SUPT3H: variants seen among roughly 807,000 people sequenced by gnomAD.
SUPT3H encodes transcription initiation protein SPT3 homolog.
SUPT3H carries 44 observed loss-of-function variants against 44.3 expected under a neutral mutation model. That is an observed-to-expected ratio of 0.99 (90% CI 0.78 to 1.28). The LOEUF (loss-of-function observed/expected upper bound fraction) is 1.28, where lower values mean the gene tolerates loss of function less well. Ranked by LOEUF, SUPT3H falls within the 50% of genes most tolerant of loss-of-function variation. SUPT3H has a pLI of 0.00. For missense variants in SUPT3H, 380 were observed against 387.1 expected, an observed-to-expected ratio of 0.98 and a Z score of 0.15; for synonymous variants, 124 against 125.6, an observed-to-expected ratio of 0.99 and a Z score of 0.09.
chr6:45,172,292 C>G (rs889762973), intron 2 of SUPT3H, among the ~76,000 whole-genome samples: 1 of 149,056 alleles, frequency 6.7e-6, no homozygotes, highest in African/African-American at 2.5e-5. Flanking sequence ...AGAATGGTCT[C>G]GATCTCTGGA....
At chr6:45,343,057 T>G (rs1356623992) in intron 2 of SUPT3H, among the ~76,000 whole-genome samples, 1 of 152,172 alleles carries the variant, frequency 6.6e-6, no homozygotes, top group Non-Finnish European at 1.5e-5. Context: ...AAGTTTCCAG[T>G]TAAATAAAAT....
At position 45,049,173 on chromosome 6, in the gene SUPT3H, T is replaced by G. The variant is rs73737861; in HGVS notation, c.187-28541A>C. Among the ~76,000 whole-genome samples the G allele has an allele frequency of 8.5e-3, 1,300 of 152,308 alleles. 24 individuals carry two copies. Among genetic ancestry groups the G allele is most frequent in the African/African-American group, 0.029 (1,224 of 41,550 alleles). On this transcript the variant is annotated intron_variant, in intron 3 of 10. Transcript: ENST00000371459. ...AATTGTTACTTGTCAATTAAAACAA[T>G]TTTTTAAAAAATCAGCTTAGAAAGA... is the stretch of plus-strand genomic sequence containing the variant.
intron 2 of SUPT3H, among the ~76,000 whole-genome samples, chr6:45,187,995 T>C (rs1446601626): frequency 1.3e-5 from 2 of 152,228 alleles, no homozygotes; most frequent in Non-Finnish European, 2.9e-5. Flanking sequence ...GGTAGCATGA[T>C]GAAATCTCAC....
At chr6:45,321,923 G>A (rs746740549) in intron 2 of SUPT3H, 2 of 1,210,616 alleles carry the variant, frequency 1.7e-6, no homozygotes, top group Non-Finnish European at 2.3e-6. Flanking sequence ...CACCTTAGAT[G>A]GTTAAAACAT....
At chr6:45,285,856 G>T (rs974105667) in intron 2 of SUPT3H, among the ~76,000 whole-genome samples, 4 of 151,998 alleles carry the variant, frequency 2.6e-5, no homozygotes, top group Admixed American at 2.6e-4. Flanking sequence ...ACTACAAGGT[G>T]ACAGTAACCA....
At chr6:45,216,705 G>A (rs2153633226) in intron 2 of SUPT3H, among the ~76,000 whole-genome samples, 1 of 152,248 alleles carries the variant, frequency 6.6e-6, no homozygotes, top group South Asian at 2.1e-4. Context: ...AAGAGACAAT[G>A]AAGGTCATTA....
chr6:44,932,960 A>T (rs1770830115), intron 9 of SUPT3H, among the ~76,000 whole-genome samples, 197 bp from the exon 10 acceptor site: 1 of 152,186 alleles, frequency 6.6e-6, no homozygotes, highest in Non-Finnish European at 1.5e-5. Flanking sequence ...CCTTTCTAGC[A>T]GACCTACCAA....
intron 2 of SUPT3H, among the ~76,000 whole-genome samples, chr6:45,146,162 C>T (rs908348570): frequency 6.6e-6 from 1 of 152,102 alleles, no homozygotes; most frequent in African/African-American, 2.4e-5. Flanking sequence ...CATCCCACTC[C>T]TGGGTATCTA....
At chr6:44,825,244 C>T (rs1581836902), downstream of SUPT3H, among the ~76,000 whole-genome samples, 1 of 152,260 alleles carries the variant, frequency 6.6e-6, no homozygotes, top group Middle Eastern at 3.4e-3. Context: ...AAAAACTTGG[C>T]ATGAGCCTAT....
chr6:45,133,042 G>A (rs547290153), intron 2 of SUPT3H, among the ~76,000 whole-genome samples: 14 of 152,266 alleles, frequency 9.2e-5, no homozygotes, highest in Admixed American at 9.2e-4. Context: ...GATAAAGAAG[G>A]AGAGTAATCT....
intron 2 of SUPT3H, among the ~76,000 whole-genome samples, chr6:45,116,349 C>A (rs895237218): frequency 1.3e-5 from 2 of 152,106 alleles, no homozygotes; most frequent in Non-Finnish European, 2.9e-5. Context: ...CAACTGCGCA[C>A]GTTTCTCTCT....
At chr6:44,820,279 T>C (rs1413062312) in intron 11 of SUPT3H, among the ~76,000 whole-genome samples, 1 of 152,158 alleles carries the variant, frequency 6.6e-6, no homozygotes, top group Non-Finnish European at 1.5e-5. Context: ...CCTAATGACA[T>C]CACAACTAAT....
intron 10 of SUPT3H, among the ~76,000 whole-genome samples, chr6:44,893,053 AACAC>A: frequency 6.6e-6 from 1 of 152,082 alleles, no homozygotes; most frequent in East Asian, 1.9e-4. Flanking sequence ...AATATATACA[AACAC>A]ACACACACAT....
chr6:45,178,622 GCACCA>G (rs1812490440), intron 2 of SUPT3H, among the ~76,000 whole-genome samples: 1 of 151,946 alleles, frequency 6.6e-6, no homozygotes, highest in Admixed American at 6.6e-5. Flanking sequence ...ATTTTTTTCA[GCACCA>G]CACCACACCT....
chr6:44,856,555 C>T (rs562564387), intron 10 of SUPT3H, among the ~76,000 whole-genome samples: 27 of 152,282 alleles, frequency 1.8e-4, no homozygotes, highest in South Asian at 8.3e-4. Flanking sequence ...TCATGCTGCA[C>T]TGGTTTTTTC....
chr6:45,223,392 ATAAC>A (rs1399857484), intron 2 of SUPT3H, among the ~76,000 whole-genome samples: 1 of 152,100 alleles, frequency 6.6e-6, no homozygotes, highest in African/African-American at 2.4e-5. Context: ...TTAATTTTAA[ATAAC>A]TAAAATGAAG....
chr6:45,089,314 A>C (rs1326851481), intron 3 of SUPT3H, among the ~76,000 whole-genome samples: 2 of 152,052 alleles, frequency 1.3e-5, no homozygotes, highest in Non-Finnish European at 2.9e-5. Flanking sequence ...TCTTATTTCA[A>C]TGATGTTCTT....
rs1261237176 is a variant in SUPT3H, at chr6:45,136,633, T to A, written c.102-30627A>T. On this transcript the variant is annotated intron_variant, in intron 2 of 10. Coordinates refer to ENST00000371459, the MANE Select transcript of SUPT3H (RefSeq NM_003599.4). ...AAAAAAAAAACAGAAATTCTGGAGT[T>A]GAAAAGTACAGTAACTGAAATGAAT... Among the ~76,000 whole-genome samples, 3 of 150,462 alleles carry A rather than the reference T, an allele frequency of 2.0e-5. No individual in the cohort carries two copies. The East Asian group carries it at 5.8e-4, about 29-fold the overall frequency.
At chr6:45,213,561 C>G (rs1584291125) in intron 2 of SUPT3H, among the ~76,000 whole-genome samples, 1 of 151,952 alleles carries the variant, frequency 6.6e-6, no homozygotes, top group East Asian at 1.9e-4. Flanking sequence ...TTTATAGCCA[C>G]TGTAAATAAG....
Sources: gnomAD v4.1 joint callset for allele counts (sites outside exome capture counted in the v4.1 genomes callset) on GRCh38, gnomAD v4.1.1 for gene constraint, MANE v1.5 for transcripts, NCBI Gene and HGNC (gene_info 2026-07-23, HGNC 2026-07-21) for gene names.